Variants in HDAC4 observed in about 807,000 individuals in gnomAD.
The protein encoded by HDAC4 is histone deacetylase A.
A neutral mutation model predicts 135.1 loss-of-function variants in HDAC4; 16 were observed. The ratio of observed to expected loss-of-function variants is 0.12; its 90% CI spans 0.08 to 0.18. HDAC4 has a LOEUF of 0.18. Ranked by LOEUF, HDAC4 falls within the 10% of genes least tolerant of loss-of-function variation. The pLI, the probability that HDAC4 is intolerant of heterozygous loss-of-function variation, is 1.00. For synonymous variants in HDAC4, 685 were observed against 653.4 expected, an observed-to-expected ratio of 1.05 and a Z score of -0.74; for missense variants, 1,143 against 1,511.8, an observed-to-expected ratio of 0.76 and a Z score of 4.05.
intron 7 of HDAC4, among the ~76,000 whole-genome samples, chr2:239,148,658 A>T (rs181845896): frequency 1.2e-4 from 18 of 152,238 alleles, no homozygotes; most frequent in African/African-American, 3.1e-4. Flanking sequence ...GCAAATGAGG[A>T]CTCCAAAAAC....
intron 1 of HDAC4, among the ~76,000 whole-genome samples, chr2:239,384,581 C>T (rs1441842697): frequency 3.3e-5 from 5 of 152,052 alleles, no homozygotes; most frequent in Admixed American, 3.3e-4. Flanking sequence ...TGTCCCACTG[C>T]ACTCCGGCCT....
rs77263403 is a variant in HDAC4 at position 239,110,298 on chromosome 2, A to C, written c.1978+1228T>G. Among the ~76,000 whole-genome samples, 565 of 152,368 alleles carry C rather than the reference A, an allele frequency of 3.7e-3. 6 individuals carry two copies. The highest frequency in any genetic ancestry group is 0.013 in the African/African-American group (539 of 41,592). On this transcript the variant is annotated intron_variant, in intron 14 of 26. Coordinates refer to ENST00000543185, the MANE Select transcript of HDAC4 (RefSeq NM_001378414.1). ...GTACTGTTTTATAAATTTGTTTAAAAAGTAATCAAGACAAACTAAGAAAGG... is the reference window on the plus strand; with the variant it reads ...GTACTGTTTTATAAATTTGTTTAAACAGTAATCAAGACAAACTAAGAAAGG...
chr2:239,343,519 C>T (rs1003061687), intron 2 of HDAC4, among the ~76,000 whole-genome samples: 4 of 152,254 alleles, frequency 2.6e-5, no homozygotes, highest in Admixed American at 2.0e-4. Flanking sequence ...GCCGGCGGGG[C>T]AGGACCTGCG....
chr2:239,210,005 G>GCAT (rs1249506336), intron 3 of HDAC4, among the ~76,000 whole-genome samples: 3 of 152,196 alleles, frequency 2.0e-5, no homozygotes, highest in Admixed American at 2.0e-4. Flanking sequence ...AGCAGCAGCA[G>GCAT]CATGAATGAG....
chr2:239,254,594 A>T (rs1185775866), intron 2 of HDAC4, among the ~76,000 whole-genome samples: 2 of 152,242 alleles, frequency 1.3e-5, no homozygotes, highest in African/African-American at 4.8e-5. Context: ...AACTAGATCT[A>T]GATAACTAAC....
At chr2:239,319,503 T>C (rs1219017803) in intron 2 of HDAC4, among the ~76,000 whole-genome samples, 1 of 152,234 alleles carries the variant, frequency 6.6e-6, no homozygotes, top group Non-Finnish European at 1.5e-5. Flanking sequence ...ACACTGGCAC[T>C]AGGTCTAAGA....
chr2:239,121,942 G>A (rs959037856), intron 12 of HDAC4, among the ~76,000 whole-genome samples: 2 of 152,200 alleles, frequency 1.3e-5, no homozygotes, highest in African/African-American at 2.4e-5. Context: ...AGCCGGACGC[G>A]GGCAAACAAT....
chr2:239,321,062 A>G (rs2053291136), intron 2 of HDAC4, among the ~76,000 whole-genome samples: 1 of 152,172 alleles, frequency 6.6e-6, no homozygotes, highest in African/African-American at 2.4e-5. Context: ...CTTTTCCCCA[A>G]TATTCTATTC....
At chr2:239,291,578 C>T (rs544044552) in intron 2 of HDAC4, among the ~76,000 whole-genome samples, 16 of 152,322 alleles carry the variant, frequency 1.1e-4, no homozygotes, top group Non-Finnish European at 1.6e-4. Context: ...CAGCAACCCA[C>T]GGTAGGGCCC....
chr2:239,190,218 C>G, intron 3 of HDAC4, 141 bp from the exon 4 acceptor site: 1 of 1,155,668 alleles, frequency 8.7e-7, no homozygotes, highest in South Asian at 1.6e-5. Flanking sequence ...ACCCCTCTCC[C>G]CCTGTCCCCC....
At chr2:239,391,567 G>A (rs1021370863) in intron 1 of HDAC4, among the ~76,000 whole-genome samples, 8 of 152,200 alleles carry the variant, frequency 5.3e-5, no homozygotes, top group South Asian at 4.1e-4. Context: ...GAGTCTCTGC[G>A]GGAGAGACAC....
chr2:239,193,265 C>T (rs1268892400), intron 3 of HDAC4, among the ~76,000 whole-genome samples: 2 of 152,272 alleles, frequency 1.3e-5, no homozygotes, highest in East Asian at 3.8e-4. Context: ...TAATTTCTCA[C>T]AGATGGAGGG....
chr2:239,244,751 C>A (rs2048375616), intron 2 of HDAC4, among the ~76,000 whole-genome samples: 2 of 152,322 alleles, frequency 1.3e-5, no homozygotes, highest in South Asian at 4.1e-4. Context: ...GCGCTGGCCT[C>A]CTCCCAGCTC....
At chr2:239,256,049 T>C (rs2049035415) in intron 2 of HDAC4, among the ~76,000 whole-genome samples, 1 of 152,260 alleles carries the variant, frequency 6.6e-6, no homozygotes, top group Non-Finnish European at 1.5e-5. Context: ...ATTATGTTTG[T>C]CTTTTATTTT....
At chr2:239,256,488 C>T (rs1327286014) in intron 2 of HDAC4, among the ~76,000 whole-genome samples, 1 of 152,250 alleles carries the variant, frequency 6.6e-6, no homozygotes, top group Admixed American at 6.5e-5. Flanking sequence ...AGGCGGGTTC[C>T]AGCCCCTCCC....
chr2:239,284,958 G>C (rs1221644791), intron 2 of HDAC4, among the ~76,000 whole-genome samples: 1 of 152,142 alleles, frequency 6.6e-6, no homozygotes, highest in African/African-American at 2.4e-5. Flanking sequence ...AACTTACAAG[G>C]AAAATGAGAG....
At chr2:239,300,243 A>G (rs1342152991) in intron 2 of HDAC4, among the ~76,000 whole-genome samples, 1 of 152,232 alleles carries the variant, frequency 6.6e-6, no homozygotes, top group Non-Finnish European at 1.5e-5. Flanking sequence ...ATGAAGCCTC[A>G]TCCATTCAAA....
intron 2 of HDAC4, among the ~76,000 whole-genome samples, chr2:239,290,559 C>T (rs1269751221): frequency 1.3e-5 from 2 of 151,384 alleles, no homozygotes; most frequent in Non-Finnish European, 2.9e-5. Context: ...ACAGGCAGGG[C>T]AAGCTCCTGA....
In HDAC4 at chr2:239,352,782, CCCA is replaced by C; in HGVS notation, c.-86_-84del. 7.7e-7 allele frequency: 1 copy of C among 1,304,452 alleles called. No individual in the cohort carries two copies. The highest frequency in any genetic ancestry group is 1.1e-6 in the Non-Finnish European group (1 of 921,852). 80.8% of individuals were successfully genotyped at this position (1,304,452 alleles called of 1,614,324 possible). On this transcript the variant is annotated 5_prime_UTR_variant, in exon 2 of 27. Transcript: ENST00000543185. This position sits in a 1 kb window ranked among gnomAD's most constrained non-coding sequence, Gnocchi z 4.4. ...CGATAGCTCCAACGAGCTCCAAACT[CCCA>C]CCAACACATACAAGTACCGGGACGG...
Sources: allele counts gnomAD v4.1 joint callset (sites outside exome capture counted in the v4.1 genomes callset), GRCh38; gene constraint gnomAD v4.1.1; non-coding constraint Gnocchi (gnomAD v3.1); transcripts MANE v1.5; gene names NCBI Gene and HGNC (gene_info 2026-07-23, HGNC 2026-07-21).